KCNQ5: variants seen among roughly 807,000 people sequenced by gnomAD.
KCNQ5 encodes the protein potassium voltage-gated channel subfamily Q member 5, also known as potassium voltage-gated channel subfamily KQT member 5.
A neutral mutation model predicts 98.2 loss-of-function variants in KCNQ5; 30 were observed. The observed-to-expected ratio is 0.31, with a 90% CI of 0.23 to 0.41. The LOEUF (loss-of-function observed/expected upper bound fraction) is 0.41, where lower values mean the gene tolerates loss of function less well. Among genes scored for constraint, KCNQ5 ranks in the 10% least tolerant of loss-of-function variants. The pLI is 1.00. For missense variants in KCNQ5, 835 were observed against 1,182.5 expected (o/e 0.71, Z 4.31); for synonymous variants, 458 against 449.4 (o/e 1.02, Z -0.24).
chr6:73,100,445 T>G (rs939023148), intron 5 of KCNQ5, among the ~76,000 whole-genome samples: 4 of 151,920 alleles, frequency 2.6e-5, no homozygotes, highest in Non-Finnish European at 4.4e-5. Context: ...GGCAGGCGGA[T>G]CATGAGGTCA....
rs145827196 is a variant in KCNQ5 at position 72,770,878 on chromosome 6, T to G, written c.398+148291T>G. Among the ~76,000 whole-genome samples the G allele has an allele frequency of 9.2e-3, 1,401 of 152,256 alleles. 18 individuals carry two copies. The highest frequency in any genetic ancestry group is 0.03 in the African/African-American group (1,256 of 41,566). ...AATATACCACTGCAGAAAAGATTCC[T>G]TCATTTATTTATTCATCCACAAATT... On this transcript the variant is annotated intron_variant, in intron 1 of 13. Transcript: ENST00000370398.
chr6:72,733,239 T>G (rs920782141), intron 1 of KCNQ5, among the ~76,000 whole-genome samples: 1 of 151,400 alleles, frequency 6.6e-6, no homozygotes, highest in Admixed American at 6.6e-5. Context: ...GGAGGATGAG[T>G]GAATAAAGGA....
At chr6:73,110,291 C>T (rs1228868358) in intron 6 of KCNQ5, among the ~76,000 whole-genome samples, 1 of 152,102 alleles carries the variant, frequency 6.6e-6, no homozygotes, top group African/African-American at 2.4e-5. Context: ...CAGCCCCATG[C>T]TAATAAACTC....
intron 1 of KCNQ5, among the ~76,000 whole-genome samples, chr6:72,916,931 A>G (rs1405004358): frequency 1.3e-5 from 2 of 152,182 alleles, no homozygotes; most frequent in African/African-American, 4.8e-5. Flanking sequence ...TAGACCCTGT[A>G]CTGAAATACC....
intron 1 of KCNQ5, among the ~76,000 whole-genome samples, chr6:72,707,728 T>TA (rs1397482473): frequency 6.6e-6 from 1 of 152,204 alleles, no homozygotes. Context: ...GAACTTCTTT[T>TA]ATTTTGAGAC....
intron 1 of KCNQ5, among the ~76,000 whole-genome samples, chr6:72,868,446 A>G (rs1212734976): frequency 6.6e-6 from 1 of 152,190 alleles, no homozygotes; most frequent in Non-Finnish European, 1.5e-5. Flanking sequence ...ATCATGATAC[A>G]CACAGGCCTA....
chr6:72,687,251 C>G (rs1463459112), intron 1 of KCNQ5, among the ~76,000 whole-genome samples: 1 of 152,102 alleles, frequency 6.6e-6, no homozygotes, highest in African/African-American at 2.4e-5. Context: ...TTGTCTGGAC[C>G]ATATATTTGA....
At chr6:73,129,367 T>C (rs1352845944) in intron 9 of KCNQ5, among the ~76,000 whole-genome samples, 4 of 152,246 alleles carry the variant, frequency 2.6e-5, no homozygotes, top group Admixed American at 2.6e-4. Context: ...AATGCAGATG[T>C]TTCACACAAA....
intron 1 of KCNQ5, among the ~76,000 whole-genome samples, chr6:72,964,479 G>A (rs897723756): frequency 4.6e-5 from 7 of 152,014 alleles, no homozygotes; most frequent in Admixed American, 1.3e-4. Context: ...TATGCCTTAG[G>A]GTACAGAAAG....
At chr6:72,623,391 AGTGTGTGTGTGTGTGTGT>A (rs1214797915) in intron 1 of KCNQ5, among the ~76,000 whole-genome samples, 1 of 143,042 alleles carries the variant, frequency 7.0e-6, no homozygotes, top group East Asian at 2.1e-4. Flanking sequence ...GGAGTCAAAG[AGTGTGTGTGTGTGTGTGT>A]GTGTGTGTGT....
At chr6:73,130,934 T>A (rs1012943086) in intron 9 of KCNQ5, among the ~76,000 whole-genome samples, 2 of 152,210 alleles carry the variant, frequency 1.3e-5, no homozygotes, top group African/African-American at 2.4e-5. Context: ...TATGCCGAGT[T>A]TATTTTAAAA....
At chr6:72,758,630 A>C (rs1772096548) in intron 1 of KCNQ5, among the ~76,000 whole-genome samples, 1 of 152,158 alleles carries the variant, frequency 6.6e-6, no homozygotes, top group Admixed American at 6.6e-5. Flanking sequence ...GCCAACTAGG[A>C]AACGGGTGAG....
At chr6:73,186,829 A>C (rs974662659) in intron 11 of KCNQ5, among the ~76,000 whole-genome samples, 2 of 152,114 alleles carry the variant, frequency 1.3e-5, no homozygotes, top group Non-Finnish European at 2.9e-5. Context: ...TCTAGGGTAC[A>C]TGTGCACAAT....
At chr6:72,986,732 G>T in intron 1 of KCNQ5, 1 of 1,455,070 alleles carries the variant, frequency 6.9e-7, no homozygotes, top group Middle Eastern at 1.8e-4. Context: ...CATGTCCCAT[G>T]CCTCTGGGGT....
intron 10 of KCNQ5, among the ~76,000 whole-genome samples, chr6:73,154,434 C>G (rs765736579): frequency 1.2e-4 from 18 of 152,194 alleles, no homozygotes; most frequent in Admixed American, 6.5e-4. Flanking sequence ...TGAAGTAATG[C>G]TATCTTGCTG....
chr6:72,971,356 G>A (rs1227138669), intron 1 of KCNQ5, among the ~76,000 whole-genome samples: 1 of 152,228 alleles, frequency 6.6e-6, no homozygotes, highest in Admixed American at 6.5e-5. Context: ...ACCGGTGCTG[G>A]AGAGGATGTG....
At chr6:72,934,944 T>C (rs1165761889) in intron 1 of KCNQ5, among the ~76,000 whole-genome samples, 2 of 152,170 alleles carry the variant, frequency 1.3e-5, no homozygotes, top group African/African-American at 4.8e-5. Context: ...AGGTACTTAC[T>C]TTCTTCTTTT....
At position 73,195,569 on chromosome 6, in the gene KCNQ5, T is replaced by C; in HGVS notation, c.*155T>C. On this transcript the variant is annotated 3_prime_UTR_variant, in exon 14 of 14. Transcript: ENST00000370398. ...CCGTTACCTTTTAATTGCATGAAAA[T>C]GCATGTTTAGGGATGGCTAAAATTC... 1 of 961,992 alleles carries C rather than the reference T, an allele frequency of 1.0e-6. No homozygotes were observed. The allele number at this position is 961,992 out of a possible 1,614,324, so 59.6% of individuals were successfully genotyped here. A position where few individuals can be genotyped will look rare whatever the true frequency, so the allele number is the denominator to read the frequency against.
intron 1 of KCNQ5, among the ~76,000 whole-genome samples, chr6:72,700,049 TA>T (rs1374495627): frequency 1.3e-5 from 2 of 152,168 alleles, no homozygotes; most frequent in Admixed American, 6.5e-5. Flanking sequence ...CTTAAAACAT[TA>T]TAGAGTAAGC....
Sources: gnomAD v4.1 joint callset for allele counts (sites outside exome capture counted in the v4.1 genomes callset) on GRCh38, gnomAD v4.1.1 for gene constraint, MANE v1.5 for transcripts, NCBI Gene and HGNC (gene_info 2026-07-23, HGNC 2026-07-21) for gene names.